The following TTC19 variants were observed in gnomAD, a reference collection of about 807,000 sequenced individuals.
TTC19 encodes the protein tetratricopeptide repeat protein 19, mitochondrial.
Under a neutral mutation model 49.5 loss-of-function variants are expected in TTC19, and 38 were observed. The observed-to-expected ratio is 0.77, with a 90% confidence interval of 0.59 to 1.01. TTC19 has a LOEUF of 1.01. TTC19 is among the 50% of genes least tolerant of loss of function. The pLI is 0.00. For missense variants in TTC19, 475 were observed against 477.7 expected (o/e 0.99, Z 0.05); for synonymous variants, 204 against 185.2 (o/e 1.10, Z -0.83).
chr17:16,008,211 C>A (rs73978593), intron 7 of TTC19, among the ~76,000 whole-genome samples: 22 of 152,172 alleles, frequency 1.4e-4, no homozygotes, highest in African/African-American at 4.8e-4. Flanking sequence ...CCAACTTGCC[C>A]CCAAATGGCA....
At chr17:16,002,134 C>T (rs1024804000) in intron 3 of TTC19, 109 bp downstream of exon 3, 1 of 816,010 alleles carries the variant, frequency 1.2e-6, no homozygotes, top group Non-Finnish European at 2.1e-6. Flanking sequence ...TCTAAAACTC[C>T]TTTTCTTTTT....
intron 7 of TTC19, among the ~76,000 whole-genome samples, chr17:16,022,971 A>AT (rs1394694925): frequency 5.9e-5 from 9 of 151,960 alleles, no homozygotes; most frequent in Non-Finnish European, 1.0e-4. Flanking sequence ...AAAGTACTTG[A>AT]TTTTTTTCTT....
rs201540577 is a variant in TTC19 at position 16,028,757 on chromosome 17, C to T, written c.*1235C>T. ...GTTCGTATGTACATACTGGAAGAAT[C>T]TTCATAATAAATGAGACTACACAAC... On this transcript the variant is annotated 3_prime_UTR_variant, in exon 10 of 10. Coordinates refer to ENST00000261647, the MANE Select transcript of TTC19 (RefSeq NM_017775.4). 3 of 440,646 alleles carry T rather than the reference C, an allele frequency of 6.8e-6. No individual in the cohort carries two copies. The highest frequency in any genetic ancestry group is 6.5e-5 in the African/African-American group (3 of 46,080). 27.3% of individuals were successfully genotyped at this position (440,646 alleles called of 1,614,324 possible). A position where few individuals can be genotyped will look rare whatever the true frequency, so the allele number is the denominator to read the frequency against.
chr17:16,043,099 T>C (rs1186337929), intron 2 of TTC19, among the ~76,000 whole-genome samples: 1 of 152,100 alleles, frequency 6.6e-6, no homozygotes, highest in African/African-American at 2.4e-5. Flanking sequence ...CAGGAGAACA[T>C]GGCATCAGAA....
At chr17:16,039,559 C>A (rs2151985795) in intron 2 of TTC19, 22 of 1,614,166 alleles carry the variant, frequency 1.4e-5, no homozygotes, top group Non-Finnish European at 1.9e-5. Context: ...TCAACTTTGT[C>A]ATCAAAGCTT....
rs201073491 is a variant in TTC19, at chr17:16,002,773, A to C, written c.424-20A>C. On this transcript the variant is annotated intron_variant, in intron 3 of 9. Coordinates refer to ENST00000261647, the MANE Select transcript of TTC19 (RefSeq NM_017775.4). The stretch of plus-strand genomic sequence containing the variant: ...AACACAGTATTCTAAACTGAAAAAC[A>C]ATTTGTAATTTGCTTTCAGATGGCC... 1.2e-6 allele frequency: 2 copies of C among 1,613,444 alleles called. No individual in the cohort carries two copies. The highest frequency in any genetic ancestry group is 1.7e-6 in the Non-Finnish European group (2 of 1,179,524).
At chr17:16,017,470 A>AG (rs1555529862) in intron 7 of TTC19, among the ~76,000 whole-genome samples, 6 of 143,298 alleles carry the variant, frequency 4.2e-5, no homozygotes, top group Non-Finnish European at 9.0e-5. Flanking sequence ...AAAAAAAAAA[A>AG]GTATTCAGGC....
rs772235510 is a variant in TTC19 at position 16,006,529 on chromosome 17, A to C, written c.637A>C (p.Ile213Leu). The part of the protein sequence containing the change: ...EFCISTLEEK[I>L]EREKELAEDI... ...CTGCATTTCAACTCTAGAGGAAAAA[A>C]TTGAAAGAGAAAAGGAATTAGCAGA... Residue 213 changes from isoleucine (I) to leucine (L), a missense_variant, in exon 7 of 10, where the codon ATT becomes CTT. By Grantham distance (5) the Ile-to-Leu change is conservative. Coordinates refer to ENST00000261647, the MANE Select transcript of TTC19 (RefSeq NM_017775.4). 4.3e-6 allele frequency: 7 copies of C among 1,613,782 alleles called. No homozygotes were observed. The East Asian group carries it at 1.6e-4, about 36-fold the overall frequency.
intron 7 of TTC19, among the ~76,000 whole-genome samples, chr17:16,008,781 C>T (rs569010641): frequency 2.0e-5 from 3 of 152,194 alleles, no homozygotes; most frequent in African/African-American, 7.2e-5. Flanking sequence ...GGCCAACTCC[C>T]GTACTTCACT....
intron 7 of TTC19, among the ~76,000 whole-genome samples, chr17:16,016,163 A>G (rs1971208652): frequency 6.6e-6 from 1 of 152,182 alleles, no homozygotes; most frequent in African/African-American, 2.4e-5. Context: ...ATTTATAACT[A>G]TAAGCTTTAG....
At chr17:16,011,014 A>G (rs1342083672) in intron 7 of TTC19, among the ~76,000 whole-genome samples, 2 of 152,198 alleles carry the variant, frequency 1.3e-5, no homozygotes, top group African/African-American at 4.8e-5. Context: ...TCTGAAGTTA[A>G]CTAGGTTTTT....
rs1971607489 is a variant in TTC19, at chr17:16,027,519, C to T, written c.1140C>T (p.Leu380=). Residue 380 remains leucine (L), a synonymous_variant, in exon 10 of 10, where the codon CTC becomes CTT. Coordinates refer to ENST00000261647, the MANE Select transcript of TTC19 (RefSeq NM_017775.4). The part of the protein sequence containing the change: ...KSRPLTNSVK[L] ...GACCTTTGACAAATTCTGTCAAGCT[C>T]TAAATCCATTTTTGTGTAGGGAGAA... 6.2e-7 allele frequency: 1 copy of T among 1,613,780 alleles called. No homozygotes were observed.
intron 7 of TTC19, among the ~76,000 whole-genome samples, chr17:16,017,702 A>G (rs1971258081): frequency 6.6e-6 from 1 of 152,186 alleles, no homozygotes. Context: ...CGGAGGTTGC[A>G]GTGAGCCGAG....
chr17:16,015,860 TTA>T (rs1192349584), intron 7 of TTC19, among the ~76,000 whole-genome samples: 1 of 152,192 alleles, frequency 6.6e-6, no homozygotes, highest in Non-Finnish European at 1.5e-5. Flanking sequence ...ATCTTATTTA[TTA>T]TATGATTTGG....
At chr17:16,016,312 T>G (rs1971214896) in intron 7 of TTC19, among the ~76,000 whole-genome samples, 1 of 152,202 alleles carries the variant, frequency 6.6e-6, no homozygotes, top group African/African-American at 2.4e-5. Context: ...TTTCTCAAAT[T>G]TTCTTCTGTT....
At chr17:16,026,786 AG>A in intron 9 of TTC19, 84 bp downstream of exon 9, 5 of 1,395,214 alleles carry the variant, frequency 3.6e-6, no homozygotes, top group South Asian at 3.5e-5. Context: ...GTATGTAGGG[AG>A]GGCAAGGGCC....
At chr17:16,024,452 C>G (rs1036731848) in intron 7 of TTC19, 2 of 142,772 alleles carry the variant, frequency 1.4e-5, no homozygotes, top group Admixed American at 1.4e-4. Flanking sequence ...CCCGCCACCA[C>G]GCCTGGCTAA....
intron 7 of TTC19, among the ~76,000 whole-genome samples, chr17:16,008,282 C>T (rs766067803): frequency 1.6e-4 from 25 of 152,208 alleles, no homozygotes; most frequent in Non-Finnish European, 3.1e-4. Flanking sequence ...TCATCTCATA[C>T]TTAACATGTC....
intron 7 of TTC19, chr17:16,024,742 T>C (rs1044172614): frequency 4.0e-5 from 18 of 446,130 alleles, no homozygotes; most frequent in African/African-American, 3.2e-4. Context: ...TAACTCATTC[T>C]TCTTTGGGTT....
Sources: gnomAD v4.1 joint callset for allele counts (sites outside exome capture counted in the v4.1 genomes callset) on GRCh38, gnomAD v4.1.1 for gene constraint, MANE v1.5 for transcripts, NCBI Gene and HGNC (gene_info 2026-07-23, HGNC 2026-07-21) for gene names.